Variants in FGF22 observed in about 807,000 individuals in gnomAD.
FGF22 encodes the protein fibroblast growth factor 22, also known as FGF-22.
A neutral mutation model predicts 10.3 loss-of-function variants in FGF22; 11 were observed. The observed-to-expected ratio is 1.07, with a 90% CI of 0.67 to 1.77. The LOEUF is 1.77. FGF22 is among the 40% of genes most tolerant of loss of function. The pLI is 0.00. For missense variants in FGF22, 317 were observed against 273.2 expected (o/e 1.16, Z -1.13); for synonymous variants, 136 against 122.1 (o/e 1.11, Z -0.75).
exon 3 of FGF22, chr19:643,833 C>T (rs988994422): frequency 5.7e-5 from 29 of 511,852 alleles, no homozygotes; most frequent in South Asian, 5.3e-4. Flanking sequence ...GGGCGCCTCT[C>T]GGGCTGAAGG....
At chr19:642,217 C>A (rs10419120) in intron 1 of FGF22, among the ~76,000 whole-genome samples, 2 of 114,416 alleles carry the variant, frequency 1.7e-5, no homozygotes, top group Non-Finnish European at 3.9e-5. Context: ...CTGTGAGGGC[C>A]GGGCTGGGGG....
intron 1 of FGF22, 60 bp from the exon 2 acceptor site, chr19:643,175 G>A (rs1985963175): frequency 1.6e-5 from 11 of 677,824 alleles, no homozygotes; most frequent in African/African-American, 4.8e-5. Flanking sequence ...GAAGCACAGC[G>A]GACAGCAGCG....
chr19:643,675 C>G, exon 3 of FGF22: 1 of 1,283,034 alleles, frequency 7.8e-7, no homozygotes, highest in East Asian at 2.5e-5. Flanking sequence ...GCTTGTTCTT[C>G]CCCCTGCGGG....
At chr19:642,726 C>T (rs1002301892) in intron 1 of FGF22, among the ~76,000 whole-genome samples, 9 of 151,434 alleles carry the variant, frequency 5.9e-5, no homozygotes, top group African/African-American at 1.9e-4. Context: ...TGGGGGCTCC[C>T]TGGGGTGCTG....
chr19:641,345 G>C (rs2144742281), intron 1 of FGF22: 1 of 445,306 alleles, frequency 2.2e-6, no homozygotes, highest in Non-Finnish European at 4.5e-6. Flanking sequence ...GGGAGGCCGA[G>C]GCGGGCAGAT....
chr19:641,406 C>A, intron 1 of FGF22: 1 of 374,098 alleles, frequency 2.7e-6, no homozygotes, highest in East Asian at 7.5e-5. Context: ...GAAACCCCGT[C>A]TCTACCAAAA....
At chr19:643,202 A>G in intron 1 of FGF22, 33 bp from the exon 2 acceptor site, 1 of 1,169,580 alleles carries the variant, frequency 8.6e-7, no homozygotes, top group South Asian at 1.5e-5. Context: ...GGGGTGAGCC[A>G]GCAAGGCCCT....
intron 1 of FGF22, among the ~76,000 whole-genome samples, chr19:641,789 C>T (rs891078213): frequency 3.3e-5 from 5 of 151,814 alleles, no homozygotes; most frequent in Non-Finnish European, 7.4e-5. Context: ...GAGGCTGCCC[C>T]GAGGAGCTTT....
At chr19:643,145 TGGTCCTGA>T in intron 1 of FGF22, 82 bp from the exon 2 acceptor site, 1 of 250,860 alleles carries the variant, frequency 4.0e-6, no homozygotes, top group Non-Finnish European at 6.3e-6. Flanking sequence ...GTATCTGTCG[TGGTCCTGA>T]GGGCCCTGCA....
chr19:642,215 GCCGGGCTGGGGGCT>G lies in FGF22; in HGVS notation c.215-1017_215-1004del, dbSNP rs1985924111. 1.9e-4 allele frequency among the ~76,000 whole-genome samples: 22 copies of G among 117,278 alleles called. 1 individual carries two copies. Among genetic ancestry groups the G allele is most frequent in the African/African-American group, 5.4e-4 (17 of 31,760 alleles). The allele number at this position is 117,278 out of a possible 152,430, so 76.9% of individuals were successfully genotyped here. On this transcript the variant is annotated intron_variant, in intron 1 of 2. Transcript: ENST00000215530. ...TGGGCCGGGCAGCTGAGCTGTGAGG[GCCGGGCTGGGGGCT>G]CCATATGGGGTGGTGTGAGCTGTGA...
exon 1 of FGF22, chr19:640,047 G>C: frequency 7.1e-7 from 1 of 1,411,760 alleles, no homozygotes; most frequent in South Asian, 1.5e-5. Flanking sequence ...GGCGACGTGC[G>C]CTGGCGGCGC....
exon 3 of FGF22, chr19:643,494 C>T (rs746504991): frequency 5.2e-5 from 84 of 1,610,760 alleles, no homozygotes; most frequent in Non-Finnish European, 6.8e-5. Context: ...CTGGCGCCGC[C>T]GCGGCCAGCC....
Position 642,097 on chromosome 19 carries a change from TGGTGTCCCATAAACCACC to T in FGF22, c.215-1128_215-1111del, listed in dbSNP as rs1266293859. On this transcript the variant is annotated intron_variant, in intron 1 of 2. Coordinates refer to ENST00000215530, the Ensembl canonical transcript of FGF22. Reference sequence around the variant, plus strand: ...TACAGTCGGCGCTCAAGCATGTCTGTGGTGTCCCATAAACCACCGGTGTCCCACTCTAGGCCACTGCCA... The same window carrying T: ...TACAGTCGGCGCTCAAGCATGTCTGTGGTGTCCCACTCTAGGCCACTGCCA... Among the ~76,000 whole-genome samples the T allele has an allele frequency of 4.6e-5, 7 of 152,158 alleles. No homozygotes were observed. In the East Asian group the frequency reaches 1.3e-3, roughly 29 times the overall value.
exon 1 of FGF22, chr19:639,889 G>T (rs1188766240): frequency 2.5e-6 from 3 of 1,182,954 alleles, no homozygotes; most frequent in Non-Finnish European, 3.1e-6. Flanking sequence ...GCGGACGCCC[G>T]GGAGCGACGA....
chr19:639,920 C>T (rs1985842800), exon 1 of FGF22: 2 of 1,219,106 alleles, frequency 1.6e-6, no homozygotes, highest in Non-Finnish European at 2.0e-6. Flanking sequence ...AACCGGGTGC[C>T]GGGTCATGCG....
Position 643,388 on chromosome 19 carries a change from C to T in FGF22, c.319-22C>T, listed in dbSNP as rs765355028. 38 of 1,604,862 alleles carry T rather than the reference C, an allele frequency of 2.4e-5. No homozygotes were observed. In the East Asian group the frequency reaches 8.3e-4, roughly 35 times the overall value. ...GCGCGGGCAGGGTGGGGAGGGTGGGCCGGCCTCACCCCCGCCCGCAGCGAC... is the reference window on the plus strand; with the variant it reads ...GCGCGGGCAGGGTGGGGAGGGTGGGTCGGCCTCACCCCCGCCCGCAGCGAC... On this transcript the variant is annotated intron_variant, in intron 2 of 2. Transcript: ENST00000215530.
chr19:642,105 C>T (rs911986980), intron 1 of FGF22, among the ~76,000 whole-genome samples: 5 of 152,198 alleles, frequency 3.3e-5, no homozygotes, highest in Non-Finnish European at 7.3e-5. Flanking sequence ...TGTGGTGTCC[C>T]ATAAACCACC....
Position 644,024 on chromosome 19 carries a change from A to G in FGF22, c.*420A>G, listed in dbSNP as rs184409231. The G allele has an allele frequency of 4.5e-5, 10 of 224,160 alleles. No homozygotes were observed. The East Asian group carries it at 5.3e-4, about 12-fold the overall frequency. 13.9% of individuals were successfully genotyped at this position (224,160 alleles called of 1,614,324 possible). A position where few individuals can be genotyped will look rare whatever the true frequency, so the allele number is the denominator to read the frequency against. ...AGCCGGTCCCGTCCCGGGAATCTGCAAATACAACGCCTTGCGAGGACAAAG... is the reference window on the plus strand; with the variant it reads ...AGCCGGTCCCGTCCCGGGAATCTGCGAATACAACGCCTTGCGAGGACAAAG... On this transcript the variant is annotated 3_prime_UTR_variant, in exon 3 of 3. Transcript: ENST00000215530.
At chr19:641,390 C>G (rs1184049918) in intron 1 of FGF22, 1 of 396,810 alleles carries the variant, frequency 2.5e-6, no homozygotes, top group South Asian at 1.8e-5. Flanking sequence ...TCCCGGCTAA[C>G]ACGGTGAAAC....
Sources: gnomAD v4.1 joint callset for allele counts (sites outside exome capture counted in the v4.1 genomes callset) on GRCh38, gnomAD v4.1.1 for gene constraint, MANE v1.5 for transcripts, NCBI Gene and HGNC (gene_info 2026-07-23, HGNC 2026-07-21) for gene names.